MAGED1: variants seen among roughly 807,000 people sequenced by gnomAD.
MAGED1 encodes the protein melanoma-associated antigen D1.
A neutral mutation model predicts 54.1 loss-of-function variants in MAGED1; 3 were observed. That is an observed-to-expected ratio of 0.06 (90% CI 0.03 to 0.14). The LOEUF (loss-of-function observed/expected upper bound fraction) is 0.14, where lower values mean the gene tolerates loss of function less well. Among genes scored for constraint, MAGED1 ranks in the 10% least tolerant of loss-of-function variants. The pLI is 1.00. For missense variants in MAGED1, 485 were observed against 623.4 expected (o/e 0.78, Z 2.36); for synonymous variants, 217 against 227.3 (o/e 0.95, Z 0.41).
At chrX:51,821,476 G>A (rs782368696) in intron 1 of MAGED1, among the ~76,000 whole-genome samples, 2 of 110,845 alleles carry the variant, frequency 1.8e-5, no homozygotes, top group South Asian at 3.9e-4. Flanking sequence ...CTGCAGCCTC[G>A]ACCTCCCGGG....
At chrX:51,814,162 A>G (rs940544217) in intron 1 of MAGED1, among the ~76,000 whole-genome samples, 2 of 111,552 alleles carry the variant, frequency 1.8e-5, no homozygotes, top group Non-Finnish European at 3.8e-5. Flanking sequence ...GAGAGAAAAG[A>G]GAAAAGAAAC....
intron 1 of MAGED1, among the ~76,000 whole-genome samples, chrX:51,879,945 TG>T (rs1490924394): frequency 1.8e-5 from 2 of 112,324 alleles, no homozygotes; most frequent in African/African-American, 6.5e-5. Context: ...ATTTTAGGGA[TG>T]GGAAGAAATG....
intron 1 of MAGED1, among the ~76,000 whole-genome samples, chrX:51,864,189 AGTGTGTGTGTGT>A (rs141456748): frequency 1.0e-5 from 1 of 100,427 alleles, no homozygotes; most frequent in Non-Finnish European, 2.0e-5. Flanking sequence ...AGAGAGAGAG[AGTGTGTGTGTGT>A]GTGTGTGTGT....
chrX:51,840,358 T>G (rs1926409944), intron 1 of MAGED1, among the ~76,000 whole-genome samples: 1 of 110,618 alleles, frequency 9.0e-6, no homozygotes, highest in Non-Finnish European at 1.9e-5. Context: ...CAAAAAAATT[T>G]TTTCGGAGTA....
upstream of MAGED1, among the ~76,000 whole-genome samples, chrX:51,890,832 C>CAAAAAAAAAAAAAAAAAAAAAAA (rs11393540): frequency 1.6e-5 from 1 of 62,917 alleles, no homozygotes; most frequent in Non-Finnish European, 2.9e-5. Context: ...ATAAGATTGG[C>CAAAAAAAAAAAAAAAAAAAAAAA]AAAAAAAAAA....
chrX:51,830,295 G>C (rs1557357305), intron 1 of MAGED1, among the ~76,000 whole-genome samples: 1 of 111,464 alleles, frequency 9.0e-6, no homozygotes, highest in Non-Finnish European at 1.9e-5. Flanking sequence ...AGAAGGAATA[G>C]AAATGATGCA....
chrX:51,857,580 G>A (rs1460606050), intron 1 of MAGED1: 4 of 111,953 alleles, frequency 3.6e-5, no homozygotes, highest in South Asian at 3.7e-4. Context: ...AATTTATAGC[G>A]GAGATGGAAA....
At chrX:51,857,607 A>G (rs1427345123) in intron 1 of MAGED1, 1 of 111,959 alleles carries the variant, frequency 8.9e-6, no homozygotes, top group Non-Finnish European at 1.9e-5. Flanking sequence ...CTTTCAGTGT[A>G]ATGAATATGG....
At position 51,900,163 on chromosome X, in the gene MAGED1, G is replaced by A. The variant is rs781975409; in HGVS notation, c.1845-19G>A. On this transcript the variant is annotated intron_variant, in intron 10 of 12. Coordinates refer to ENST00000326587, the MANE Select transcript of MAGED1 (RefSeq NM_006986.4). ...TTCTGCCTGGGTAGGTAGACACAAA[G>A]ACTGTTTTGCTCTTTCAGATACCTG... The A allele has an allele frequency of 2.8e-6, 3 of 1,067,324 alleles. No homozygotes were observed. Among genetic ancestry groups the A allele is most frequent in the South Asian group, 3.8e-5 (2 of 53,008 alleles). 88.0% of individuals were successfully genotyped at this position (1,067,324 alleles called of 1,213,427 possible).
In MAGED1 at chrX:51,893,689, A is replaced by C. The variant is rs1479145348; in HGVS notation, c.-103A>C. On this transcript the variant is annotated 5_prime_UTR_variant, in exon 1 of 13. Coordinates refer to ENST00000326587, the MANE Select transcript of MAGED1 (RefSeq NM_006986.4). ...GCGGCTGCTGAGAGCCGAGCCCAGC[A>C]ATCCCGATCCTCTGAGTCGTGAAGA... 8.8e-6 allele frequency: 1 copy of C among 113,317 alleles called. No individual in the cohort carries two copies. Among genetic ancestry groups the C allele is most frequent in the African/African-American group, 3.2e-5 (1 of 31,071 alleles). The allele number at this position is 113,317 out of a possible 1,213,427, so 9.3% of individuals were successfully genotyped here. A position where few individuals can be genotyped will look rare whatever the true frequency, so the allele number is the denominator to read the frequency against.
intron 1 of MAGED1, among the ~76,000 whole-genome samples, chrX:51,845,936 C>T (rs1403617068): frequency 1.8e-5 from 2 of 110,375 alleles, no homozygotes; most frequent in South Asian, 4.0e-4. Flanking sequence ...CCACCACGCC[C>T]GGGTAATTTT....
chrX:51,883,423 C>A (rs1928128217), intron 1 of MAGED1, among the ~76,000 whole-genome samples: 1 of 111,693 alleles, frequency 9.0e-6, no homozygotes, highest in Non-Finnish European at 1.9e-5. Context: ...GTCACTTAGC[C>A]CATGGTGACA....
At chrX:51,888,578 T>C (rs1465766113), upstream of MAGED1, among the ~76,000 whole-genome samples, 4 of 112,048 alleles carry the variant, frequency 3.6e-5, no homozygotes, top group African/African-American at 1.3e-4. Flanking sequence ...AAAACTAACA[T>C]GCACTTACTA....
intron 1 of MAGED1, among the ~76,000 whole-genome samples, chrX:51,881,726 T>G (rs1340231276): frequency 4.5e-5 from 5 of 111,884 alleles, no homozygotes; most frequent in African/African-American, 1.6e-4. Context: ...CTCCTCTTGC[T>G]TTTTCTACTT....
In MAGED1 at chrX:51,895,615, C is replaced by T; in HGVS notation, c.608C>T (p.Ala203Val). 2 of 1,211,327 alleles carry T rather than the reference C, an allele frequency of 1.7e-6. No homozygotes were observed. Among genetic ancestry groups the T allele is most frequent in the Non-Finnish European group, 2.2e-6 (2 of 895,297 alleles). ...ACCCAGACCCAGAATGTAAATCAGGCCAAAATGGCCACTTCCCAGGCTGAC... is the reference window on the plus strand; with the variant it reads ...ACCCAGACCCAGAATGTAAATCAGGTCAAAATGGCCACTTCCCAGGCTGAC... ...ADTQTQNVNQ[A>V]KMATSQADIE... The change falls in exon 3 of 13, where the codon GCC becomes GTC. Residue 203 changes from alanine (A) to valine (V), a missense_variant. Physicochemically the swap from Ala to Val is moderately conservative, Grantham distance 64. Coordinates refer to ENST00000326587, the MANE Select transcript of MAGED1 (RefSeq NM_006986.4).
chrX:51,809,536 C>A (rs938508747), intron 1 of MAGED1, among the ~76,000 whole-genome samples: 1 of 112,042 alleles, frequency 8.9e-6, no homozygotes, highest in African/African-American at 3.2e-5. Flanking sequence ...ATTTTGTTTT[C>A]TCATCCTCGT....
chrX:51,862,660 A>T (rs1176200744), intron 1 of MAGED1, among the ~76,000 whole-genome samples: 1 of 111,841 alleles, frequency 8.9e-6, no homozygotes, highest in Non-Finnish European at 1.9e-5. Context: ...ATAGTCTCCC[A>T]GGAAAACAGA....
chrX:51,898,079 G>T (rs375490359), intron 7 of MAGED1, 35 bp from the exon 8 acceptor site: 2 of 1,158,099 alleles, frequency 1.7e-6, no homozygotes, highest in South Asian at 1.8e-5. Context: ...CATGCAAATG[G>T]CTACTGAAAA....
At chrX:51,835,748 A>T (rs1458616008) in intron 1 of MAGED1, among the ~76,000 whole-genome samples, 4 of 111,643 alleles carry the variant, frequency 3.6e-5, no homozygotes, top group Non-Finnish European at 5.6e-5. Flanking sequence ...GTGGCTAAGA[A>T]TTTTAGCTGC....
Sources: gnomAD v4.1 joint callset for allele counts (sites outside exome capture counted in the v4.1 genomes callset) on GRCh38, gnomAD v4.1.1 for gene constraint, MANE v1.5 for transcripts, NCBI Gene and HGNC (gene_info 2026-07-23, HGNC 2026-07-21) for gene names.